The following GRIK1 variants were observed in gnomAD, a reference collection of about 807,000 sequenced individuals.
GRIK1 encodes glutamate receptor ionotropic, kainate 1.
GRIK1 carries 69 observed loss-of-function variants against 105.7 expected under a neutral mutation model. The ratio of observed to expected loss-of-function variants is 0.65; its 90% CI spans 0.54 to 0.80. The LOEUF (loss-of-function observed/expected upper bound fraction) is 0.80. GRIK1 is among the 30% of genes least tolerant of loss of function. The probability of loss-of-function intolerance (pLI) is 0.00; values close to 1 mark genes in which losing one functional copy is unlikely to be tolerated. For missense variants in GRIK1, 1,109 were observed against 1,167.3 expected (o/e 0.95, Z 0.73); for synonymous variants, 438 against 431.3 (o/e 1.02, Z -0.19).
chr21:29,895,448 C>T lies in GRIK1; in HGVS notation c.118+43935G>A, dbSNP rs140584801. Among the ~76,000 whole-genome samples, 113 of 152,244 alleles carry T rather than the reference C, an allele frequency of 7.4e-4. No individual in the cohort carries two copies. In the East Asian group the frequency reaches 0.019, roughly 25 times the overall value. On this transcript the variant is annotated intron_variant, in intron 1 of 17. Transcript: ENST00000327783. The stretch of plus-strand genomic sequence containing the variant: ...GAAAGAAAAAACAGGCAAACAACAA[C>T]TACAAGAATATTAAAGCAATTTGTA...
chr21:29,720,402 G>A (rs2146853571), intron 1 of GRIK1, among the ~76,000 whole-genome samples: 1 of 152,254 alleles, frequency 6.6e-6, no homozygotes, highest in East Asian at 1.9e-4. Flanking sequence ...CAGCTAATAT[G>A]TCCTTGGGGT....
chr21:29,654,406 G>T (rs1431334108), intron 5 of GRIK1, among the ~76,000 whole-genome samples: 1 of 152,156 alleles, frequency 6.6e-6, no homozygotes, highest in African/African-American at 2.4e-5. Context: ...GGCTAACCCA[G>T]CTATCTACTG....
chr21:29,659,467 T>A (rs2062918796), intron 4 of GRIK1, among the ~76,000 whole-genome samples: 1 of 152,214 alleles, frequency 6.6e-6, no homozygotes. Context: ...TCCTGCATAC[T>A]TATGAAATTC....
intron 1 of GRIK1, among the ~76,000 whole-genome samples, chr21:29,816,389 G>A (rs143426643): frequency 5.9e-5 from 9 of 151,940 alleles, no homozygotes; most frequent in Middle Eastern, 6.8e-3. Flanking sequence ...ACAGTATAGC[G>A]ATTTCTCAAC....
At position 29,797,988 on chromosome 21, in the gene GRIK1, T is replaced by A. The variant is rs905767593; in HGVS notation, c.119-103925A>T. ...TCAGTTTGTTGGTTTTTAGTCCCAA[T>A]GAGTATGTTTTCTTCTTTTGTTTTG... On this transcript the variant is annotated intron_variant, in intron 1 of 17. Transcript: ENST00000327783. Among the ~76,000 whole-genome samples, 3 of 152,208 alleles carry A rather than the reference T, an allele frequency of 2.0e-5. No individual in the cohort carries two copies. In the South Asian group the frequency reaches 6.2e-4, roughly 32 times the overall value.
rs1052992758 is a variant in GRIK1 at position 29,744,808 on chromosome 21, C to T, written c.119-50745G>A. Among the ~76,000 whole-genome samples the T allele has an allele frequency of 1.3e-4, 20 of 152,216 alleles. No individual in the cohort carries two copies. The South Asian group carries it at 2.1e-3, about 16-fold the overall frequency. On this transcript the variant is annotated intron_variant, in intron 1 of 17. Transcript: ENST00000327783. ...ATGCCTAACATTTACTGAGCACTCA[C>T]TATATGCTCAGGGCTTAAATGTACT...
chr21:29,702,472 T>C (rs2063830399), intron 1 of GRIK1, among the ~76,000 whole-genome samples: 2 of 151,942 alleles, frequency 1.3e-5, no homozygotes, highest in Admixed American at 6.6e-5. Context: ...TAAGTGTAGA[T>C]TTAAAGAGGC....
chr21:29,829,790 A>C (rs901737165), intron 1 of GRIK1, among the ~76,000 whole-genome samples: 1 of 152,160 alleles, frequency 6.6e-6, no homozygotes, highest in South Asian at 2.1e-4. Context: ...CTGTGTCTGC[A>C]CAGATAGGAT....
chr21:29,904,350 G>GT (rs946797688), intron 1 of GRIK1, among the ~76,000 whole-genome samples: 23 of 150,526 alleles, frequency 1.5e-4, no homozygotes, highest in African/African-American at 3.9e-4. Flanking sequence ...ACCTAAATTT[G>GT]TTTTTTTTTA....
intron 15 of GRIK1, 77 bp from the exon 16 acceptor site, chr21:29,555,379 T>C: frequency 1.5e-6 from 2 of 1,340,974 alleles, no homozygotes. Context: ...ATTATCATCT[T>C]TGTCATAACT....
At chr21:29,572,717 C>T (rs1452759834) in intron 14 of GRIK1, among the ~76,000 whole-genome samples, 2 of 152,000 alleles carry the variant, frequency 1.3e-5, no homozygotes, top group African/African-American at 4.8e-5. Context: ...GTCTGTGCCT[C>T]ATTTTCCTCA....
intron 1 of GRIK1, among the ~76,000 whole-genome samples, chr21:29,695,443 T>TCTAA (rs2063677434): frequency 7.6e-6 from 1 of 132,054 alleles, no homozygotes; most frequent in Non-Finnish European, 1.6e-5. Context: ...TCAATATCTA[T>TCTAA]CTATCTATCT....
At chr21:29,720,193 G>GT (rs1369369517) in intron 1 of GRIK1, among the ~76,000 whole-genome samples, 3 of 152,100 alleles carry the variant, frequency 2.0e-5, no homozygotes, top group Non-Finnish European at 4.4e-5. Flanking sequence ...AGACCATCGT[G>GT]TTTTTTAAAA....
intron 1 of GRIK1, among the ~76,000 whole-genome samples, chr21:29,782,893 A>G (rs953191619): frequency 3.3e-5 from 5 of 152,170 alleles, no homozygotes; most frequent in Non-Finnish European, 5.9e-5. Context: ...GAACATCCCT[A>G]CTCATGAACA....
At chr21:29,686,061 T>C (rs1457006235) in intron 3 of GRIK1, among the ~76,000 whole-genome samples, 1 of 152,236 alleles carries the variant, frequency 6.6e-6, no homozygotes, top group Non-Finnish European at 1.5e-5. Flanking sequence ...CTATTACCAC[T>C]GATTCTACCC....
intron 1 of GRIK1, among the ~76,000 whole-genome samples, chr21:29,883,316 G>A (rs1273907724): frequency 1.3e-5 from 2 of 152,016 alleles, no homozygotes; most frequent in Non-Finnish European, 2.9e-5. Flanking sequence ...GTGCAATAGA[G>A]GCTGGTGAGT....
At chr21:29,758,778 A>G (rs1157093351) in intron 1 of GRIK1, 1 of 152,660 alleles carries the variant, frequency 6.6e-6, no homozygotes, top group African/African-American at 2.4e-5. Flanking sequence ...TTAGGTCATT[A>G]GTGTGCGTTT....
intron 7 of GRIK1, among the ~76,000 whole-genome samples, chr21:29,631,271 C>T (rs1601325701): frequency 6.6e-6 from 1 of 152,116 alleles, no homozygotes; most frequent in South Asian, 2.1e-4. Flanking sequence ...AAGCCATAAC[C>T]CCCAATGTGA....
At chr21:29,884,733 G>A (rs979389022) in intron 1 of GRIK1, among the ~76,000 whole-genome samples, 1 of 152,034 alleles carries the variant, frequency 6.6e-6, no homozygotes, top group Admixed American at 6.6e-5. Context: ...TTCAAGACGA[G>A]ACAACGGAGA....
Sources: allele counts gnomAD v4.1 joint callset (sites outside exome capture counted in the v4.1 genomes callset), GRCh38; gene constraint gnomAD v4.1.1; transcripts MANE v1.5; gene names NCBI Gene and HGNC (gene_info 2026-07-23, HGNC 2026-07-21).